VWDE: variants seen among roughly 807,000 people sequenced by gnomAD.
The protein encoded by VWDE is von Willebrand factor D and EGF domains, also known as von Willebrand factor D and EGF domain-containing protein.
In VWDE, 207 loss-of-function variants were observed where a neutral mutation model predicts 178.4. That is an observed-to-expected ratio of 1.16 (90% CI 1.04 to 1.30). VWDE has a LOEUF of 1.30. VWDE is among the 50% of genes most tolerant of loss of function. VWDE has a pLI of 0.00. For synonymous variants in VWDE, 738 were observed against 651.4 expected, an observed-to-expected ratio of 1.13 and a Z score of -2.02; for missense variants, 2,287 against 1,901.3, an observed-to-expected ratio of 1.20 and a Z score of -3.77.
At chr7:12,374,637 A>G in intron 9 of VWDE, 52 bp downstream of exon 9, 1 of 1,296,926 alleles carries the variant, frequency 7.7e-7, no homozygotes, top group Non-Finnish European at 1.1e-6. Context: ...AAATAAAACA[A>G]CAAAATCAAA....
chr7:12,334,003 G>A (rs73680916), intron 27 of VWDE, among the ~76,000 whole-genome samples: 1 of 152,030 alleles, frequency 6.6e-6, no homozygotes, highest in Non-Finnish European at 1.5e-5. Flanking sequence ...ACTATCATTG[G>A]AAGTTTAATG....
intron 8 of VWDE, 65 bp downstream of exon 8, chr7:12,374,945 T>C (rs1583323667): frequency 6.9e-7 from 1 of 1,447,910 alleles, no homozygotes; most frequent in East Asian, 2.5e-5. Flanking sequence ...TTATAAGACA[T>C]AATGATAAAA....
In VWDE at chr7:12,369,471, G is replaced by A. The variant is rs994749259; in HGVS notation, c.2761+74C>T. The A allele has an allele frequency of 4.2e-6, 6 of 1,435,928 alleles. No homozygotes were observed. In the African/African-American group the frequency reaches 7.2e-5, roughly 17 times the overall value. The allele number at this position is 1,435,928 out of a possible 1,614,324, so 88.9% of individuals were successfully genotyped here. A position where few individuals can be genotyped will look rare whatever the true frequency, so the allele number is the denominator to read the frequency against. On this transcript the variant is annotated intron_variant, in intron 12 of 28. Transcript: ENST00000275358. ...AATAAACACTGTTAGGATACTGAGG[G>A]TGAAATAAAGATCAAACACATTTTT...
intron 27 of VWDE, 107 bp downstream of exon 27, chr7:12,336,034 T>C: frequency 3.6e-6 from 3 of 841,656 alleles, no homozygotes; most frequent in Admixed American, 4.1e-5. Context: ...AGGATCAGCA[T>C]GCTGGAGTTT....
intron 10 of VWDE, among the ~76,000 whole-genome samples, chr7:12,372,281 T>G (rs1438573841): frequency 6.6e-6 from 1 of 152,058 alleles, no homozygotes; most frequent in African/African-American, 2.4e-5. Context: ...ATTTTCCTAA[T>G]TTTTGATTTG....
chr7:12,371,639 T>C (rs908070790), intron 10 of VWDE, among the ~76,000 whole-genome samples: 2 of 152,158 alleles, frequency 1.3e-5, no homozygotes, highest in African/African-American at 4.8e-5. Context: ...TTACATTAAA[T>C]TATTTTAAAA....
At chr7:12,344,989 G>A (rs1355032720) in intron 19 of VWDE, among the ~76,000 whole-genome samples, 1 of 151,836 alleles carries the variant, frequency 6.6e-6, no homozygotes, top group Non-Finnish European at 1.5e-5. Flanking sequence ...GATTAATGCT[G>A]GGAAATTCAG....
chr7:12,333,568 G>A lies in VWDE; in HGVS notation c.4655C>T (p.Pro1552Leu). 1 of 1,546,946 alleles carries A rather than the reference G, an allele frequency of 6.5e-7. No homozygotes were observed. Among genetic ancestry groups the A allele is most frequent in the East Asian group, 2.4e-5 (1 of 40,826 alleles). ...ATAAAGACATTTTGGGTTGCAAATT[G>A]CTGCAATACACAAATTTTTACAATG... ...SSWEGVRCQI[P>L]ICNPKCLYGG... The change falls in exon 28 of 29, where the codon CCA becomes CTA. Residue 1552 changes from proline to leucine, a missense_variant and splice_region_variant. Transcript: ENST00000275358.
At chr7:12,355,514 G>T (rs990986532) in intron 18 of VWDE, among the ~76,000 whole-genome samples, 1 of 151,720 alleles carries the variant, frequency 6.6e-6, no homozygotes, top group Admixed American at 6.6e-5. Flanking sequence ...AAAAATATCA[G>T]CTCATTAACT....
intron 12 of VWDE, among the ~76,000 whole-genome samples, chr7:12,368,137 A>C (rs1170417110): frequency 6.6e-6 from 1 of 151,318 alleles, no homozygotes; most frequent in Non-Finnish European, 1.5e-5. Flanking sequence ...AATGTTTAGT[A>C]ATTTTTATTT....
At chr7:12,363,685 A>G (rs1308649985) in intron 13 of VWDE, among the ~76,000 whole-genome samples, 1 of 148,752 alleles carries the variant, frequency 6.7e-6, no homozygotes, top group Non-Finnish European at 1.5e-5. Context: ...GAAAAGAAGG[A>G]GTGATGGAAA....
At chr7:12,356,894 T>C (rs890044611) in intron 17 of VWDE, among the ~76,000 whole-genome samples, 1 of 152,228 alleles carries the variant, frequency 6.6e-6, no homozygotes, top group Non-Finnish European at 1.5e-5. Flanking sequence ...GTATTTATAA[T>C]CTTGATTTCT....
At chr7:12,341,946 C>G in intron 23 of VWDE, 113 bp downstream of exon 23, 1 of 714,626 alleles carries the variant, frequency 1.4e-6, no homozygotes, top group Non-Finnish European at 2.3e-6. Flanking sequence ...AACTTCATAC[C>G]TATCTACCTG....
intron 2 of VWDE, 147 bp downstream of exon 2, chr7:12,393,447 T>C: frequency 1.6e-6 from 1 of 644,022 alleles, no homozygotes; most frequent in Non-Finnish European, 2.6e-6. Context: ...TTAGACTAGG[T>C]AATGTGGGAA....
chr7:12,382,191 T>A (rs1453342870), intron 4 of VWDE, among the ~76,000 whole-genome samples: 1 of 151,878 alleles, frequency 6.6e-6, no homozygotes, highest in East Asian at 1.9e-4. Context: ...GAGTTTTTTT[T>A]AATTAATTGC....
Position 12,403,838 on chromosome 7 carries a change from G to C in VWDE, c.-122C>G. On this transcript the variant is annotated 5_prime_UTR_variant, in exon 1 of 29. Transcript: ENST00000275358. ...GATTTTCTCAGTCTGTTGCTGCTTG[G>C]AACAGGGAAGCTCCGCGTCCTCGTT... The C allele has an allele frequency of 9.5e-7, 1 of 1,054,812 alleles. No homozygotes were observed. The highest frequency in any genetic ancestry group is 1.4e-6 in the Non-Finnish European group (1 of 721,582). 65.3% of individuals were successfully genotyped at this position (1,054,812 alleles called of 1,614,324 possible).
chr7:12,340,346 A>C lies in VWDE; in HGVS notation c.4342T>G (p.Phe1448Val). ...CCATTCTGACAGTGTTCCCCAAAGA[A>C]TCCATTTGGACAGAGGCAAGTATTT... ...KPNTCLCPNG[F>V]FGEHCQNAFC... is the part of the protein sequence containing the mutation. Residue 1448 changes from phenylalanine (F) to valine (V), a missense_variant, in exon 24 of 29, where the codon TTC becomes GTC. Coordinates refer to ENST00000275358, the MANE Select transcript of VWDE (RefSeq NM_001135924.3). 6.4e-7 allele frequency: 1 copy of C among 1,551,282 alleles called. No individual in the cohort carries two copies. The highest frequency in any genetic ancestry group is 1.2e-5 in the South Asian group (1 of 84,010).
intron 19 of VWDE, among the ~76,000 whole-genome samples, chr7:12,349,561 T>C (rs1781815972): frequency 6.6e-6 from 1 of 151,088 alleles, no homozygotes. Context: ...ACAACACAGA[T>C]AAAGGCAAAC....
chr7:12,357,566 A>T, intron 16 of VWDE, 51 bp from the exon 17 acceptor site: 1 of 1,536,518 alleles, frequency 6.5e-7, no homozygotes, highest in East Asian at 2.5e-5. Flanking sequence ...AAAGGAATGA[A>T]GTGTACTTCT....
Sources: gnomAD v4.1 joint callset for allele counts (sites outside exome capture counted in the v4.1 genomes callset) on GRCh38, gnomAD v4.1.1 for gene constraint, MANE v1.5 for transcripts, NCBI Gene and HGNC (gene_info 2026-07-23, HGNC 2026-07-21) for gene names.